Variants in KCNN2 observed in about 807,000 individuals in gnomAD.
KCNN2 encodes small conductance calcium-activated potassium channel protein 2.
A neutral mutation model predicts 55.5 loss-of-function variants in KCNN2; 24 were observed. That is an observed-to-expected ratio of 0.43 (90% CI 0.31 to 0.61). KCNN2 has a LOEUF of 0.61. KCNN2 is among the 20% of genes least tolerant of loss of function. KCNN2 has a pLI of 0.08. For missense variants in KCNN2, 754 were observed against 853.6 expected (o/e 0.88, Z 1.45); for synonymous variants, 431 against 336.1 (o/e 1.28, Z -3.09).
chr5:114,251,135 T>TAC (rs1478738808), intron 2 of KCNN2, among the ~76,000 whole-genome samples: 1 of 152,184 alleles, frequency 6.6e-6, no homozygotes, highest in African/African-American at 2.4e-5. Context: ...TCATGGGCCC[T>TAC]TTGTAAAGGG....
At chr5:114,070,715 GAATTAT>G (rs1443223515) in intron 1 of KCNN2, among the ~76,000 whole-genome samples, 1 of 152,160 alleles carries the variant, frequency 6.6e-6, no homozygotes, top group African/African-American at 2.4e-5. Flanking sequence ...TTTTATTTGT[GAATTAT>G]AATTAAAAGG....
chr5:114,382,879 G>C (rs1269903702), intron 2 of KCNN2, among the ~76,000 whole-genome samples: 1 of 152,170 alleles, frequency 6.6e-6, no homozygotes, highest in Non-Finnish European at 1.5e-5. Context: ...CAGAATTTCT[G>C]TCTGGGTTGT....
At chr5:114,252,143 G>A (rs1458831975) in intron 2 of KCNN2, among the ~76,000 whole-genome samples, 1 of 152,010 alleles carries the variant, frequency 6.6e-6, no homozygotes, top group Non-Finnish European at 1.5e-5. Flanking sequence ...CTCCCAAAGT[G>A]CTGGGATTAC....
intron 2 of KCNN2, among the ~76,000 whole-genome samples, chr5:114,258,089 T>C (rs1015369478): frequency 2.0e-5 from 3 of 152,240 alleles, no homozygotes; most frequent in African/African-American, 7.2e-5. Flanking sequence ...TTTTTGCATC[T>C]ATTGAGATGA....
intron 5 of KCNN2, among the ~76,000 whole-genome samples, chr5:114,481,313 G>T (rs1465024894): frequency 6.6e-6 from 1 of 152,086 alleles, no homozygotes; most frequent in Non-Finnish European, 1.5e-5. Flanking sequence ...ACCTCTTCAA[G>T]GAGAACTACA....
intron 2 of KCNN2, among the ~76,000 whole-genome samples, chr5:114,262,205 G>T (rs1296063045): frequency 1.3e-5 from 2 of 152,046 alleles, no homozygotes; most frequent in Non-Finnish European, 2.9e-5. Flanking sequence ...TTTTCTCATT[G>T]CAGCAATTTA....
chr5:114,163,927 CTT>C (rs35432162), intron 1 of KCNN2, among the ~76,000 whole-genome samples: 3 of 151,868 alleles, frequency 2.0e-5, no homozygotes, highest in Admixed American at 2.0e-4. Flanking sequence ...TATTTTCTGC[CTT>C]TTTTTTAAGT....
intron 4 of KCNN2, among the ~76,000 whole-genome samples, chr5:114,469,094 A>G (rs1561403422): frequency 6.6e-6 from 1 of 152,182 alleles, no homozygotes; most frequent in Non-Finnish European, 1.5e-5. Context: ...ACTTGGCAGC[A>G]TCTAAGACTA....
chr5:114,110,293 T>G (rs1751571432), intron 1 of KCNN2, among the ~76,000 whole-genome samples: 1 of 150,624 alleles, frequency 6.6e-6, no homozygotes. Context: ...ATAACCATGG[T>G]GTGTAAATTA....
intron 3 of KCNN2, among the ~76,000 whole-genome samples, chr5:114,423,486 T>C (rs1041536481): frequency 3.9e-5 from 6 of 152,102 alleles, no homozygotes; most frequent in African/African-American, 1.4e-4. Flanking sequence ...CCCTTACTTA[T>C]ATTAAGACCT....
intron 1 of KCNN2, among the ~76,000 whole-genome samples, chr5:114,084,476 A>C (rs575847593): frequency 6.6e-6 from 1 of 152,138 alleles, no homozygotes; most frequent in East Asian, 1.9e-4. Flanking sequence ...TTCTTTGGTG[A>C]GGTATCTGTT....
chr5:114,288,491 T>TACACACACAC (rs1193889889), intron 2 of KCNN2, among the ~76,000 whole-genome samples: 3 of 21,432 alleles, frequency 1.4e-4, no homozygotes, highest in African/African-American at 3.7e-4. Context: ...TTACTTTATA[T>TACACACACAC]ATATATATAC....
intron 2 of KCNN2, among the ~76,000 whole-genome samples, chr5:114,320,270 G>A (rs543446581): frequency 6.6e-6 from 1 of 151,818 alleles, no homozygotes; most frequent in Non-Finnish European, 1.5e-5. Context: ...GGTTCTACAG[G>A]GTATTAGATT....
At chr5:114,141,114 A>T (rs1243890959) in intron 1 of KCNN2, among the ~76,000 whole-genome samples, 1 of 151,902 alleles carries the variant, frequency 6.6e-6, no homozygotes, top group Non-Finnish European at 1.5e-5. Flanking sequence ...GTGTCTCAAA[A>T]ACCAGTAAAG....
chr5:114,295,145 G>T (rs1441617486), intron 2 of KCNN2, among the ~76,000 whole-genome samples: 1 of 152,138 alleles, frequency 6.6e-6, no homozygotes, highest in African/African-American at 2.4e-5. Context: ...GGCTGCTCAG[G>T]GCTCAGAGAC....
intron 3 of KCNN2, among the ~76,000 whole-genome samples, chr5:114,408,457 G>A (rs1759011668): frequency 1.3e-5 from 2 of 151,876 alleles, no homozygotes; most frequent in South Asian, 2.1e-4. Context: ...AGGGATTAAC[G>A]TTTTCTTTTT....
intron 2 of KCNN2, among the ~76,000 whole-genome samples, chr5:114,291,150 T>C (rs1001467596): frequency 3.3e-5 from 5 of 152,016 alleles, no homozygotes; most frequent in African/African-American, 1.2e-4. Flanking sequence ...TTAAAATATT[T>C]TAAAATGTGT....
chr5:114,195,505 C>T lies in KCNN2; in HGVS notation c.-270-25975C>T, dbSNP rs535193466. Among the ~76,000 whole-genome samples, 30 of 152,026 alleles carry T rather than the reference C, an allele frequency of 2.0e-4. No individual in the cohort carries two copies. The South Asian group carries it at 5.8e-3, about 29-fold the overall frequency. ...TTTCCATTGCTAGTGTATAGAAATTCAATAGATTTTTGTATATTTATCTTT... is the reference window on the plus strand; with the variant it reads ...TTTCCATTGCTAGTGTATAGAAATTTAATAGATTTTTGTATATTTATCTTT... On this transcript the variant is annotated intron_variant, in intron 1 of 10. Coordinates refer to the KCNN2 transcript ENST00000512097.
At chr5:114,280,010 T>C (rs1755589441) in intron 2 of KCNN2, among the ~76,000 whole-genome samples, 1 of 152,202 alleles carries the variant, frequency 6.6e-6, no homozygotes, top group Non-Finnish European at 1.5e-5. Flanking sequence ...TGTAAGATGG[T>C]ATCTCACTGT....
Sources: gnomAD v4.1 joint callset for allele counts (sites outside exome capture counted in the v4.1 genomes callset) on GRCh38, gnomAD v4.1.1 for gene constraint, MANE v1.5 for transcripts, NCBI Gene and HGNC (gene_info 2026-07-23, HGNC 2026-07-21) for gene names.